MYOM2: variants seen among roughly 807,000 people sequenced by gnomAD.
The protein encoded by MYOM2 is myomesin 2.
A neutral mutation model predicts 187.6 loss-of-function variants in MYOM2; 254 were observed. The observed-to-expected ratio is 1.35, with a 90% CI of 1.22 to 1.50. The LOEUF is 1.50. Among genes scored for constraint, MYOM2 ranks in the 40% most tolerant of loss-of-function variants. MYOM2 has a pLI of 0.00. For missense variants in MYOM2, 2,796 were observed against 1,924.0 expected (o/e 1.45, Z -8.48); for synonymous variants, 981 against 753.8 (o/e 1.30, Z -4.94).
intron 36 of MYOM2, among the ~76,000 whole-genome samples, chr8:2,144,435 C>G (rs775355736): frequency 6.6e-5 from 10 of 152,188 alleles, no homozygotes; most frequent in Non-Finnish European, 1.2e-4. Context: ...AGGACACATG[C>G]TCACTGATTT....
intron 2 of MYOM2, 134 bp from the exon 3 acceptor site, chr8:2,052,024 T>C: frequency 1.9e-6 from 2 of 1,048,768 alleles, no homozygotes; most frequent in Non-Finnish European, 1.4e-6. Flanking sequence ...CATATGCCTG[T>C]GCATGTGTGT....
rs546559673 is a variant in MYOM2, at chr8:2,078,669, C to G, written c.1263-65C>G. ...TCAGTGTGTGCATATATGCATATAC[C>G]TATGTATATTTAGTAGGTTGCCACA... On this transcript the variant is annotated intron_variant, in intron 11 of 36. Coordinates refer to ENST00000262113, the MANE Select transcript of MYOM2 (RefSeq NM_003970.4). 11 of 1,391,996 alleles carry G rather than the reference C, an allele frequency of 7.9e-6. No homozygotes were observed. In the East Asian group the frequency reaches 1.4e-4, roughly 17 times the overall value. 86.2% of individuals were successfully genotyped at this position (1,391,996 alleles called of 1,614,324 possible). A position where few individuals can be genotyped will look rare whatever the true frequency, so the allele number is the denominator to read the frequency against.
intron 24 of MYOM2, 186 bp from the exon 25 acceptor site, chr8:2,109,209 C>A: frequency 1.5e-6 from 1 of 652,692 alleles, no homozygotes. Flanking sequence ...TGGCATGAGG[C>A]TTTAGAGGCA....
chr8:2,057,998 G>GTTTTTTTTTTTTT lies in MYOM2; in HGVS notation c.560+244_560+256dup, dbSNP rs572901199. ...ATTGAGTCAACAAATTTTTCAGAGG[G>GTTTTTTTTTTTTT]TTTTTTTTTTTTTTTTTTTTTTTTT... is the stretch of plus-strand genomic sequence containing the variant. On this transcript the variant is annotated intron_variant, in intron 5 of 36. Coordinates refer to ENST00000262113, the MANE Select transcript of MYOM2 (RefSeq NM_003970.4). 7.4e-5 allele frequency among the ~76,000 whole-genome samples: 6 copies of GTTTTTTTTTTTTT among 80,736 alleles called. 1 individual carries two copies. The highest frequency in any genetic ancestry group is 1.9e-4 in the African/African-American group (4 of 20,874). 53.0% of individuals were successfully genotyped at this position (80,736 alleles called of 152,430 possible).
At chr8:2,058,290 G>T (rs1818741763) in intron 5 of MYOM2, among the ~76,000 whole-genome samples, 1 of 152,054 alleles carries the variant, frequency 6.6e-6, no homozygotes, top group Admixed American at 6.5e-5. Flanking sequence ...AAGTCCTGGG[G>T]TGACAGGCAT....
At chr8:2,064,571 T>G (rs1818953391) in intron 6 of MYOM2, among the ~76,000 whole-genome samples, 1 of 152,208 alleles carries the variant, frequency 6.6e-6, no homozygotes, top group Non-Finnish European at 1.5e-5. Flanking sequence ...ATGGAGGGCT[T>G]CTTCCCCCAG....
Position 2,116,059 on chromosome 8 carries a change from G to A in MYOM2, c.3280G>A (p.Asp1094Asn). 1.2e-6 allele frequency: 2 copies of A among 1,613,938 alleles called. No individual in the cohort carries two copies. Among genetic ancestry groups the A allele is most frequent in the Admixed American group, 1.7e-5 (1 of 59,978 alleles). ...GGGGACCTACACTGTGCAGATTCAT[G>A]ATGGGAAAGCCAAAAGTCAGTCTTC... ...NEGTYTVQIH[D>N]GKAKSQSSLV... The change falls in exon 26 of 37, where the codon GAT (aspartate) becomes AAT (asparagine). Residue 1094 changes from aspartate to asparagine, a missense_variant. Coordinates refer to ENST00000262113, the MANE Select transcript of MYOM2 (RefSeq NM_003970.4).
chr8:2,060,882 G>C (rs1238583577), intron 6 of MYOM2, among the ~76,000 whole-genome samples: 2 of 152,138 alleles, frequency 1.3e-5, no homozygotes, highest in African/African-American at 4.8e-5. Context: ...GAGAAACCGG[G>C]CTCAGCTCTG....
intron 13 of MYOM2, chr8:2,082,184 T>C (rs1448829412): frequency 6.6e-6 from 1 of 152,176 alleles, no homozygotes; most frequent in Non-Finnish European, 1.5e-5. Flanking sequence ...ACAAACTGGG[T>C]ATGAAATTGA....
Position 2,076,184 on chromosome 8 carries a change from C to G in MYOM2, c.1164C>G (p.Asp388Glu), listed in dbSNP as rs746924995. Reference protein sequence around the residue: ...LVTGAPGAPMDLQCHDANRDY... With the variant: ...LVTGAPGAPMELQCHDANRDY... ...CAGGGGCCCCCGGTGCACCCATGGA[C>G]TTGCAGTGCCACGACGCCAACCGGG... Residue 388 changes from aspartate (D) to glutamate (E), a missense_variant, in exon 11 of 37, where the codon GAC becomes GAG. By Grantham distance (45) the Asp-to-Glu change is conservative. Coordinates refer to ENST00000262113, the MANE Select transcript of MYOM2 (RefSeq NM_003970.4). The G allele has an allele frequency of 5.6e-6, 9 of 1,613,304 alleles. No homozygotes were observed. The highest frequency in any genetic ancestry group is 5.0e-5 in the Admixed American group (3 of 59,968).
At chr8:2,100,300 G>A (rs773931189) in intron 19 of MYOM2, 1 of 152,126 alleles carries the variant, frequency 6.6e-6, no homozygotes, top group East Asian at 1.9e-4. Context: ...AGTTTCCCGA[G>A]CCTCTTTTGA....
chr8:2,141,255 T>C (rs1798265119), intron 34 of MYOM2, 78 bp downstream of exon 34: 2 of 1,295,872 alleles, frequency 1.5e-6, no homozygotes, highest in East Asian at 2.3e-5. Context: ...TGTGGGAATC[T>C]GTATGGAAGC....
intron 21 of MYOM2, among the ~76,000 whole-genome samples, chr8:2,105,717 C>A (rs1368182518): frequency 2.6e-5 from 4 of 152,198 alleles, no homozygotes; most frequent in African/African-American, 9.7e-5. Context: ...CAAGCCCCTC[C>A]AGGTCCTCCC....
intron 17 of MYOM2, among the ~76,000 whole-genome samples, chr8:2,095,805 CTG>C (rs1563051416): frequency 6.6e-6 from 1 of 152,194 alleles, no homozygotes; most frequent in Non-Finnish European, 1.5e-5. Context: ...GTTCCTCTAA[CTG>C]TGCAGGAAAT....
chr8:2,081,961 G>T (rs1440294), intron 13 of MYOM2: 104,546 of 152,152 alleles, frequency 0.69, 36,089 homozygotes, highest in East Asian at 0.87. Flanking sequence ...CCTCCTCCGT[G>T]GGAGGCGGTT....
At chr8:2,141,396 C>T (rs898961302) in intron 34 of MYOM2, among the ~76,000 whole-genome samples, 1 of 152,138 alleles carries the variant, frequency 6.6e-6, no homozygotes, top group Non-Finnish European at 1.5e-5. Context: ...TCATCGGAAC[C>T]CCGGATGAAT....
At chr8:2,091,377 G>C (rs1191457213) in intron 15 of MYOM2, among the ~76,000 whole-genome samples, 1 of 152,108 alleles carries the variant, frequency 6.6e-6, no homozygotes, top group African/African-American at 2.4e-5. Context: ...CTGGCTTGAA[G>C]GTCCCTCTTG....
chr8:2,061,834 G>C (rs910848499), intron 6 of MYOM2, among the ~76,000 whole-genome samples: 1 of 152,238 alleles, frequency 6.6e-6, no homozygotes, highest in Non-Finnish European at 1.5e-5. Context: ...CTCACAGAGA[G>C]CTTGCTGTGT....
Position 2,085,262 on chromosome 8 carries a change from G to C in MYOM2, c.1517-1G>C. 1 of 1,613,966 alleles carries C rather than the reference G, an allele frequency of 6.2e-7. No homozygotes were observed. On this transcript the variant is annotated splice_acceptor_variant, in intron 13 of 36. Coordinates refer to ENST00000262113, the MANE Select transcript of MYOM2 (RefSeq NM_003970.4). LOFTEE classifies it high-confidence loss of function. ...ACTCACCGAATTTATTATTCCTCCA[G>C]GTGACGCCCAGGTTCCAGGGCCTCC...
Sources: allele counts gnomAD v4.1 joint callset (sites outside exome capture counted in the v4.1 genomes callset), GRCh38; gene constraint gnomAD v4.1.1; transcripts MANE v1.5; gene names NCBI Gene and HGNC (gene_info 2026-07-23, HGNC 2026-07-21).